WBP2NL: variants seen among roughly 807,000 people sequenced by gnomAD.
WBP2NL encodes WBP2 N-terminal like.
A neutral mutation model predicts 23.3 loss-of-function variants in WBP2NL; 27 were observed. The ratio of observed to expected loss-of-function variants is 1.16; its 90% CI spans 0.85 to 1.60. The LOEUF (loss-of-function observed/expected upper bound fraction) is 1.60. Among genes scored for constraint, WBP2NL ranks in the 40% most tolerant of loss-of-function variants. The pLI is 0.00. For missense variants in WBP2NL, 370 were observed against 389.5 expected (o/e 0.95, Z 0.42); for synonymous variants, 151 against 145.9 (o/e 1.03, Z -0.25).
At chr22:42,012,000 C>G (rs188844282) in intron 1 of WBP2NL, among the ~76,000 whole-genome samples, 1 of 152,126 alleles carries the variant, frequency 6.6e-6, no homozygotes, top group East Asian at 1.9e-4. Flanking sequence ...TGGTCTCAAA[C>G]TCCTGGCCTC....
chr22:42,022,107 C>T, intron 4 of WBP2NL, 142 bp from the exon 5 acceptor site: 1 of 702,740 alleles, frequency 1.4e-6, no homozygotes, highest in Non-Finnish European at 2.4e-6. Flanking sequence ...GCCCATGTTT[C>T]TTTTTTATCT....
intron 1 of WBP2NL, among the ~76,000 whole-genome samples, chr22:42,010,667 T>C (rs914889692): frequency 6.6e-6 from 1 of 151,996 alleles, no homozygotes; most frequent in Non-Finnish European, 1.5e-5. Flanking sequence ...GCCTCCTGAG[T>C]AGCTGGGACT....
downstream of WBP2NL, among the ~76,000 whole-genome samples, chr22:42,033,264 G>T (rs1229133074): frequency 6.6e-6 from 1 of 152,200 alleles, no homozygotes; most frequent in Admixed American, 6.5e-5. Context: ...AGCTTCCACA[G>T]CTGGCACCAG....
rs1223311256 is a variant in WBP2NL, at chr22:42,027,012, C to A, written c.761C>A (p.Ala254Asp). Residue 254 changes from alanine to aspartate, a missense_variant, in exon 6 of 6, where the codon GCC (alanine) becomes GAC (aspartate). By Grantham distance (126) the Ala-to-Asp change is moderately radical. Coordinates refer to ENST00000328823, the MANE Select transcript of WBP2NL (RefSeq NM_152613.3). ...GYGTPPLGYGAPPLGYGAPPA... is the reference protein window; with the variant it reads ...GYGTPPLGYGDPPLGYGAPPA... Reference sequence around the variant, plus strand: ...GGAACCCCACCTCTCGGATATGGAGCCCCACCTCTCGGATATGGAGCCCCA... The same window carrying A: ...GGAACCCCACCTCTCGGATATGGAGACCCACCTCTCGGATATGGAGCCCCA... 4.3e-6 allele frequency: 7 copies of A among 1,613,232 alleles called. No individual in the cohort carries two copies. The highest frequency in any genetic ancestry group is 5.9e-6 in the Non-Finnish European group (7 of 1,179,578).
intron 8 of WBP2NL, among the ~76,000 whole-genome samples, chr22:42,049,976 CAAAAAAA>C (rs34787117): frequency 3.6e-5 from 3 of 84,408 alleles, no homozygotes; most frequent in East Asian, 4.7e-4. Context: ...GACTCCGTCT[CAAAAAAA>C]AAAAAAAAAA....
At chr22:42,025,716 G>C (rs117239938) in intron 5 of WBP2NL, among the ~76,000 whole-genome samples, 1 of 152,140 alleles carries the variant, frequency 6.6e-6, no homozygotes, top group Non-Finnish European at 1.5e-5. Context: ...CTTGATTACA[G>C]TAGTTTTGTA....
chr22:42,057,884 TATATATATATATATA>T (rs1926118696), intron 8 of WBP2NL, among the ~76,000 whole-genome samples: 1 of 21,944 alleles, frequency 4.6e-5, no homozygotes, highest in Non-Finnish European at 1.1e-4. Flanking sequence ...TATATATATA[TATATATATATATATA>T]TATTTTTTTT....
At chr22:42,023,339 C>T (rs533237240) in intron 5 of WBP2NL, among the ~76,000 whole-genome samples, 1 of 152,158 alleles carries the variant, frequency 6.6e-6, no homozygotes, top group African/African-American at 2.4e-5. Flanking sequence ...ACCACAGGCG[C>T]AATCCACCAT....
chr22:42,028,150 A>G lies in WBP2NL; in HGVS notation c.*969A>G. ...AAAATTAGAAATAACCTATATGTCCATTAATAGGAAATATATGAATAGGCT... is the reference window on the plus strand; with the variant it reads ...AAAATTAGAAATAACCTATATGTCCGTTAATAGGAAATATATGAATAGGCT... On this transcript the variant is annotated 3_prime_UTR_variant, in exon 6 of 6. Coordinates refer to ENST00000328823, the MANE Select transcript of WBP2NL (RefSeq NM_152613.3). 2 of 398,462 alleles carry G rather than the reference A, an allele frequency of 5.0e-6. No homozygotes were observed. The highest frequency in any genetic ancestry group is 2.1e-5 in the African/African-American group (1 of 48,752). The allele number at this position is 398,462 out of a possible 1,614,324, so 24.7% of individuals were successfully genotyped here. A position where few individuals can be genotyped will look rare whatever the true frequency, so the allele number is the denominator to read the frequency against.
intron 1 of WBP2NL, among the ~76,000 whole-genome samples, chr22:42,018,491 G>GAAAGAAAGA (rs1219051914): frequency 6.6e-6 from 1 of 151,510 alleles, no homozygotes. Flanking sequence ...AAGAAAAAGA[G>GAAAGAAAGA]AAAGAAAGAA....
chr22:42,020,712 G>A (rs1449998999), intron 4 of WBP2NL, among the ~76,000 whole-genome samples: 2 of 150,504 alleles, frequency 1.3e-5, no homozygotes, highest in East Asian at 2.0e-4. Flanking sequence ...CTCTGGACTT[G>A]CCTTTGCTTT....
intron 8 of WBP2NL, among the ~76,000 whole-genome samples, chr22:42,047,458 C>T (rs133363): frequency 6.6e-6 from 1 of 150,914 alleles, no homozygotes; most frequent in African/African-American, 2.4e-5. Flanking sequence ...GGTGTTGTGT[C>T]GGGTGCCTGT....
intron 8 of WBP2NL, among the ~76,000 whole-genome samples, chr22:42,048,992 T>C (rs1925710607): frequency 6.6e-6 from 1 of 152,034 alleles, no homozygotes; most frequent in Non-Finnish European, 1.5e-5. Context: ...TCCAGTAAGA[T>C]AAGGAAAGGA....
At chr22:42,053,614 C>T (rs1001002822) in intron 8 of WBP2NL, among the ~76,000 whole-genome samples, 52 of 152,170 alleles carry the variant, frequency 3.4e-4, no homozygotes, top group Admixed American at 2.6e-3. Context: ...TGCATGCCAC[C>T]ATGCCTGGCT....
chr22:42,009,447 C>G (rs190854076), intron 1 of WBP2NL, among the ~76,000 whole-genome samples: 1 of 151,962 alleles, frequency 6.6e-6, no homozygotes, highest in Non-Finnish European at 1.5e-5. Flanking sequence ...AGTTTTGGGT[C>G]TTATGTTTAA....
Position 42,027,163 on chromosome 22 carries a change from T to C in WBP2NL, c.912T>C (p.Ser304=), listed in dbSNP as rs1924592732. 2 of 1,612,566 alleles carry C rather than the reference T, an allele frequency of 1.2e-6. No individual in the cohort carries two copies. The highest frequency in any genetic ancestry group is 1.7e-6 in the Non-Finnish European group (2 of 1,179,414). The change falls in exon 6 of 6, where the codon TCT becomes TCC. Residue 304 remains serine, a synonymous_variant. Coordinates refer to ENST00000328823, the MANE Select transcript of WBP2NL (RefSeq NM_152613.3). ...ENEASLPSAS[S]SQVHS is the part of the protein sequence containing the mutation. ...AGGCTTCTCTTCCCTCTGCCTCCTC[T>C]TCTCAGGTCCATTCTTAACCTTCTA...
In WBP2NL at chr22:42,028,193, C is replaced by T. The variant is rs533794671; in HGVS notation, c.*1012C>T. ...AATAGGCTATGGTATGCCCATACTA[C>T]GTATGCAGAAATTTCTAAGACTTGT... On this transcript the variant is annotated 3_prime_UTR_variant, in exon 6 of 6. Transcript: ENST00000328823. The T allele has an allele frequency of 7.5e-6, 3 of 397,408 alleles. No homozygotes were observed. The highest frequency in any genetic ancestry group is 1.3e-4 in the South Asian group (1 of 7,542). The allele number at this position is 397,408 out of a possible 1,614,324, so 24.6% of individuals were successfully genotyped here.
In WBP2NL at chr22:42,021,256, T is replaced by G. The variant is rs140121343; in HGVS notation, c.407-993T>G. On this transcript the variant is annotated intron_variant, in intron 4 of 5. Coordinates refer to ENST00000328823, the MANE Select transcript of WBP2NL (RefSeq NM_152613.3). ...TCTTTAACCCATGGCTTCCATGGCC[T>G]CTTTGTACAGCCAGCAGAGAAGGAA... 4.6e-3 allele frequency among the ~76,000 whole-genome samples: 706 copies of G among 152,010 alleles called. 22 individuals carry two copies. In the East Asian group the frequency reaches 0.066, roughly 14 times the overall value.
At chr22:42,040,726 CT>C (rs1462638626) in intron 8 of WBP2NL, among the ~76,000 whole-genome samples, 1 of 152,090 alleles carries the variant, frequency 6.6e-6, no homozygotes, top group Non-Finnish European at 1.5e-5. Context: ...TTTCTATTTT[CT>C]TTATGTTACC....
Sources: gnomAD v4.1 joint callset for allele counts (sites outside exome capture counted in the v4.1 genomes callset) on GRCh38, gnomAD v4.1.1 for gene constraint, MANE v1.5 for transcripts, NCBI Gene and HGNC (gene_info 2026-07-23, HGNC 2026-07-21) for gene names.